The following TTC23 variants were observed in gnomAD, a reference collection of about 807,000 sequenced individuals.
The protein encoded by TTC23 is tetratricopeptide repeat protein 23.
A neutral mutation model predicts 55.1 loss-of-function variants in TTC23; 58 were observed. The observed-to-expected ratio is 1.05, with a 90% CI of 0.85 to 1.31. The LOEUF is 1.31. Ranked by LOEUF, TTC23 falls within the 50% of genes most tolerant of loss-of-function variation. TTC23 has a pLI of 0.00. For missense variants in TTC23, 516 were observed against 534.4 expected, an observed-to-expected ratio of 0.97 and a Z score of 0.34; for synonymous variants, 203 against 199.9, an observed-to-expected ratio of 1.02 and a Z score of -0.13.
At chr15:99,247,527 A>G (rs918217430) in intron 1 of TTC23, among the ~76,000 whole-genome samples, 1 of 152,252 alleles carries the variant, frequency 6.6e-6, no homozygotes, top group Non-Finnish European at 1.5e-5. Flanking sequence ...TTAGCAATAA[A>G]AAGGAATGAA....
At position 99,156,231 on chromosome 15, in the gene TTC23, C is replaced by A; in HGVS notation, c.1060G>T (p.Glu354Ter). ...KVEAFGDFSP[E>*]VAETYRLLGG... Reference sequence around the variant, plus strand: ...AGGAGCCGGTATGTCTCTGCCACCTCGGGACTGAAATCGCCAAATGCTTCC... The same window carrying A: ...AGGAGCCGGTATGTCTCTGCCACCTAGGGACTGAAATCGCCAAATGCTTCC... Residue 354 changes from glutamate (E) to a stop codon, truncating the protein, a stop_gained, in exon 12 of 14, where the codon GAG becomes TAG. Transcript: ENST00000394132. LOFTEE classifies it high-confidence loss of function. 1 of 1,614,218 alleles carries A rather than the reference C, an allele frequency of 6.2e-7. No homozygotes were observed. Among genetic ancestry groups the A allele is most frequent in the Non-Finnish European group, 8.5e-7 (1 of 1,180,048 alleles).
At chr15:99,226,553 A>C (rs2078436474) in intron 5 of TTC23, among the ~76,000 whole-genome samples, 1 of 152,246 alleles carries the variant, frequency 6.6e-6, no homozygotes, top group African/African-American at 2.4e-5. Context: ...AATATTTTTA[A>C]GGCCTTCCAG....
At chr15:99,220,217 G>T (rs987381937) in intron 6 of TTC23, among the ~76,000 whole-genome samples, 11 of 152,178 alleles carry the variant, frequency 7.2e-5, no homozygotes, top group African/African-American at 2.4e-4. Context: ...AGCTTTCTCA[G>T]CTGTAAACAG....
intron 9 of TTC23, among the ~76,000 whole-genome samples, chr15:99,177,378 T>G (rs968899977): frequency 6.6e-6 from 1 of 152,260 alleles, no homozygotes; most frequent in African/African-American, 2.4e-5. Context: ...TGATTTGGCA[T>G]GAAAGGCCCA....
chr15:99,203,154 T>C (rs1227711467), intron 8 of TTC23, among the ~76,000 whole-genome samples: 3 of 151,874 alleles, frequency 2.0e-5, no homozygotes, highest in African/African-American at 7.3e-5. Context: ...ATTGTGCAAA[T>C]GAGGTGGGCA....
intron 9 of TTC23, among the ~76,000 whole-genome samples, chr15:99,182,632 T>A (rs2074261786): frequency 6.6e-6 from 1 of 152,172 alleles, no homozygotes; most frequent in South Asian, 2.1e-4. Context: ...CCTTTCTCTT[T>A]TTTTTCTCTT....
chr15:99,173,032 G>C (rs2073133819), intron 10 of TTC23, among the ~76,000 whole-genome samples: 1 of 152,210 alleles, frequency 6.6e-6, no homozygotes, highest in Non-Finnish European at 1.5e-5. Flanking sequence ...AGTACACTGA[G>C]CACTGGGTCA....
chr15:99,218,790 C>T, intron 7 of TTC23, 77 bp from the exon 8 acceptor site: 2 of 1,603,044 alleles, frequency 1.2e-6, no homozygotes, highest in Non-Finnish European at 1.7e-6. Context: ...GGCTCCCATA[C>T]TTCCAATCAC....
chr15:99,242,792 G>C (rs2079918022), intron 2 of TTC23, among the ~76,000 whole-genome samples: 1 of 152,012 alleles, frequency 6.6e-6, no homozygotes, highest in Non-Finnish European at 1.5e-5. Flanking sequence ...ATCCAATCAT[G>C]ATTAAAAAAA....
rs1555488008 is a variant in TTC23 at position 99,138,038 on chromosome 15, T to G, written c.1316A>C (p.Lys439Thr). 3.1e-6 allele frequency: 5 copies of G among 1,614,122 alleles called. No individual in the cohort carries two copies. The Admixed American group carries it at 6.7e-5, about 22-fold the overall frequency. The part of the protein sequence containing the change: ...TSIPQDTLLG[K>T]ARPGTTAD Reference sequence around the variant, plus strand: ...GTCTGCTGTTGTGCCGGGCCGGGCCTTCCCCAGCAGGGTGTCCTGAGGGAT... The same window carrying G: ...GTCTGCTGTTGTGCCGGGCCGGGCCGTCCCCAGCAGGGTGTCCTGAGGGAT... The change falls in exon 14 of 14, where the codon AAG becomes ACG. Residue 439 changes from lysine to threonine, a missense_variant. Lys to Thr is a moderately conservative substitution (Grantham distance 78). Coordinates refer to ENST00000394132, the MANE Select transcript of TTC23 (RefSeq NM_001288615.3).
intron 5 of TTC23, among the ~76,000 whole-genome samples, chr15:99,223,817 A>G (rs2152057676): frequency 6.6e-6 from 1 of 152,336 alleles, no homozygotes. Flanking sequence ...TCATGAGAAA[A>G]ATGAATGGCT....
chr15:99,239,725 A>C (rs956379988), intron 3 of TTC23, among the ~76,000 whole-genome samples: 8 of 152,184 alleles, frequency 5.3e-5, no homozygotes, highest in Non-Finnish European at 1.5e-5. Flanking sequence ...GCTGCAGTCT[A>C]GGGAAAGAGC....
intron 8 of TTC23, among the ~76,000 whole-genome samples, chr15:99,213,813 T>A (rs2077229640): frequency 6.6e-6 from 1 of 152,230 alleles, no homozygotes; most frequent in African/African-American, 2.4e-5. Flanking sequence ...TTAGGCTGTT[T>A]CCAACTCTTG....
intron 9 of TTC23, among the ~76,000 whole-genome samples, chr15:99,198,202 C>T (rs2075903408): frequency 6.6e-6 from 1 of 152,126 alleles, no homozygotes; most frequent in Admixed American, 6.5e-5. Context: ...TTGTCATTTC[C>T]ACTTGTACGC....
At chr15:99,146,646 A>G (rs1015449672) in intron 12 of TTC23, among the ~76,000 whole-genome samples, 2 of 152,194 alleles carry the variant, frequency 1.3e-5, no homozygotes, top group Non-Finnish European at 2.9e-5. Context: ...CTGTACACTC[A>G]CTAAGCCATG....
At chr15:99,176,156 T>C (rs1178477220) in intron 9 of TTC23, among the ~76,000 whole-genome samples, 2 of 152,238 alleles carry the variant, frequency 1.3e-5, no homozygotes, top group African/African-American at 4.8e-5. Context: ...GTAACATGTT[T>C]ACATTCATTC....
intron 8 of TTC23, 70 bp downstream of exon 8, chr15:99,218,517 AC>A: frequency 6.3e-7 from 1 of 1,598,612 alleles, no homozygotes; most frequent in Non-Finnish European, 8.5e-7. Context: ...TGCTCCTCCT[AC>A]CTGAGACAGA....
At chr15:99,139,158 C>T (rs1596166266) in intron 13 of TTC23, 159 bp downstream of exon 13, 1 of 851,742 alleles carries the variant, frequency 1.2e-6, no homozygotes, top group East Asian at 2.7e-5. Flanking sequence ...AGATCTTTTA[C>T]AACTCGGGTT....
At chr15:99,247,228 A>G (rs968763091) in intron 1 of TTC23, among the ~76,000 whole-genome samples, 1 of 152,202 alleles carries the variant, frequency 6.6e-6, no homozygotes, top group African/African-American at 2.4e-5. Flanking sequence ...GAAATGTAAA[A>G]TGGGAAATTC....
Sources: allele counts gnomAD v4.1 joint callset (sites outside exome capture counted in the v4.1 genomes callset), GRCh38; gene constraint gnomAD v4.1.1; transcripts MANE v1.5; gene names NCBI Gene and HGNC (gene_info 2026-07-23, HGNC 2026-07-21).